RGS3: variants seen among roughly 807,000 people sequenced by gnomAD.
RGS3 encodes the protein regulator of G protein signaling 3.
In RGS3, 80 loss-of-function variants were observed where a neutral mutation model predicts 132.6. The ratio of observed to expected loss-of-function variants is 0.60; its 90% CI spans 0.50 to 0.73. RGS3 has a LOEUF of 0.73. Among genes scored for constraint, RGS3 ranks in the 30% least tolerant of loss-of-function variants. The pLI, the probability that RGS3 is intolerant of heterozygous loss-of-function variation, is 0.00. For missense variants in RGS3, 1,382 were observed against 1,530.8 expected (o/e 0.90, Z 1.62); for synonymous variants, 598 against 620.6 (o/e 0.96, Z 0.54).
chr9:113,583,880 C>T lies in RGS3; in HGVS notation c.2468C>T (p.Ser823Phe), dbSNP rs1189106159. 6.2e-6 allele frequency: 10 copies of T among 1,613,944 alleles called. No individual in the cohort carries two copies. The highest frequency in any genetic ancestry group is 7.6e-6 in the Non-Finnish European group (9 of 1,179,922). Reference sequence around the variant, plus strand: ...CAAGATCTGCCTCCTAGCCAGGTCTCCCTGCCAGCCAAGGCCCTTACTGAG... The same window carrying T: ...CAAGATCTGCCTCCTAGCCAGGTCTTCCTGCCAGCCAAGGCCCTTACTGAG... Residue 823 changes from serine (S) to phenylalanine (F), a missense_variant, in exon 20 of 25, where the codon TCC becomes TTC. Transcript: ENST00000350696.
At chr9:113,510,241 T>C (rs1367281716) in intron 14 of RGS3, among the ~76,000 whole-genome samples, 1 of 152,226 alleles carries the variant, frequency 6.6e-6, no homozygotes, top group Admixed American at 6.5e-5. Flanking sequence ...TCCAATCTCA[T>C]CCAGGTCGCT....
chr9:113,525,201 C>T (rs938944480), intron 17 of RGS3, among the ~76,000 whole-genome samples: 1 of 152,058 alleles, frequency 6.6e-6, no homozygotes, highest in Non-Finnish European at 1.5e-5. Context: ...GGGCCAAACT[C>T]CAGGGAGCCT....
intron 19 of RGS3, among the ~76,000 whole-genome samples, chr9:113,545,640 T>G (rs1441877668): frequency 6.6e-6 from 1 of 152,134 alleles, no homozygotes; most frequent in Non-Finnish European, 1.5e-5. Context: ...CTCGAAGACT[T>G]TCTCTGAATA....
upstream of RGS3, among the ~76,000 whole-genome samples, chr9:113,456,652 T>C (rs543844420): frequency 3.3e-5 from 5 of 150,394 alleles, no homozygotes; most frequent in African/African-American, 1.2e-4. Flanking sequence ...ACCAATTTGT[T>C]TTTTTTTTTT....
At chr9:113,584,167 A>T in exon 20 of RGS3, 1 of 1,614,238 alleles carries the variant, frequency 6.2e-7, no homozygotes, top group Non-Finnish European at 8.5e-7. Flanking sequence ...CAGCAGCATG[A>T]TCGAGACGGG....
intron 16 of RGS3, among the ~76,000 whole-genome samples, chr9:113,521,790 G>A (rs1831972031): frequency 6.6e-6 from 1 of 152,176 alleles, no homozygotes; most frequent in Non-Finnish European, 1.5e-5. Context: ...ATCTTTAACA[G>A]GTTGATAGCT....
chr9:113,594,894 CTG>C, intron 22 of RGS3, 23 bp from the exon 21 acceptor site: 3 of 1,611,876 alleles, frequency 1.9e-6, no homozygotes, highest in Middle Eastern at 1.7e-4. Flanking sequence ...AGTGCCCTCA[CTG>C]TGTTTCCTCC....
intron 10 of RGS3, among the ~76,000 whole-genome samples, chr9:113,500,194 A>G (rs1018367393): frequency 6.6e-6 from 1 of 152,242 alleles, no homozygotes; most frequent in Non-Finnish European, 1.5e-5. Context: ...TGTGGGACTC[A>G]GCAAAGAGGG....
chr9:113,478,144 C>T (rs1830052173), intron 3 of RGS3, among the ~76,000 whole-genome samples: 1 of 151,918 alleles, frequency 6.6e-6, no homozygotes, highest in African/African-American at 2.4e-5. Flanking sequence ...TAAACCTCAC[C>T]CGGCCACTCA....
In RGS3 at chr9:113,484,133, T is replaced by A. The variant is rs1305316427; in HGVS notation, c.526-5T>A. 6.3e-7 allele frequency: 1 copy of A among 1,588,638 alleles called. No homozygotes were observed. The highest frequency in any genetic ancestry group is 1.3e-5 in the African/African-American group (1 of 74,324). ...CTAATCATGCTTCCTTTTTTCCAAT[T>A]CAAGATTTCTTTGATCCCTGAAGAT... is the stretch of plus-strand genomic sequence containing the variant. On this transcript the variant is annotated splice_polypyrimidine_tract_variant and splice_region_variant and intron_variant, in intron 5 of 24. Coordinates refer to ENST00000350696, the Ensembl canonical transcript of RGS3.
At position 113,463,321 on chromosome 9, in the gene RGS3, G is replaced by A. The variant is rs1829520069; in HGVS notation, c.415+1120G>A. Among the ~76,000 whole-genome samples, 1 of 152,184 alleles carries A rather than the reference G, an allele frequency of 6.6e-6. No individual in the cohort carries two copies. Among genetic ancestry groups the A allele is most frequent in the Admixed American group, 6.5e-5 (1 of 15,286 alleles). Reference sequence around the variant, plus strand: ...AAACCTCACTGCCCTGGGCCATCGGGTGCTCCTTTGCCTTTGCTTGGATCT... The same window carrying A: ...AAACCTCACTGCCCTGGGCCATCGGATGCTCCTTTGCCTTTGCTTGGATCT... On this transcript the variant is annotated intron_variant, in intron 3 of 24. Transcript: ENST00000350696. This position sits in a 1 kb window ranked among gnomAD's most constrained non-coding sequence, Gnocchi z 4.6.
At chr9:113,508,377 C>A (rs1195610103) in intron 13 of RGS3, among the ~76,000 whole-genome samples, 164 bp from the exon 12 acceptor site, 10 of 152,196 alleles carry the variant, frequency 6.6e-5, no homozygotes, top group Non-Finnish European at 1.2e-4. Context: ...ATTTTGTGTT[C>A]TCTCCCAGCC....
Position 113,471,144 on chromosome 9 carries a change from G to A in RGS3, c.416-8347G>A, listed in dbSNP as rs558930217. 5.3e-5 allele frequency among the ~76,000 whole-genome samples: 8 copies of A among 152,164 alleles called. No homozygotes were observed. In the South Asian group the frequency reaches 1.2e-3, roughly 24 times the overall value. ...GTTGGGACTGAGAGTACTTGAAATCGAGCTGTAGTCCCTGGAGTAGCTGTG... is the reference window on the plus strand; with the variant it reads ...GTTGGGACTGAGAGTACTTGAAATCAAGCTGTAGTCCCTGGAGTAGCTGTG... On this transcript the variant is annotated intron_variant, in intron 3 of 24. Transcript: ENST00000350696.
At chr9:113,584,169 C>G (rs376017462) in exon 20 of RGS3, 11 of 1,614,244 alleles carry the variant, frequency 6.8e-6, no homozygotes, top group Middle Eastern at 3.3e-4. Flanking sequence ...GCAGCATGAT[C>G]GAGACGGGCC....
intron 18 of RGS3, among the ~76,000 whole-genome samples, chr9:113,534,303 A>G (rs905892114): frequency 6.6e-6 from 1 of 152,192 alleles, no homozygotes; most frequent in African/African-American, 2.4e-5. Context: ...GATCACCTCA[A>G]GTATGACCTC....
intron 17 of RGS3, 83 bp from the exon 16 acceptor site, chr9:113,529,138 C>A (rs1588207065): frequency 1.9e-6 from 2 of 1,067,856 alleles, no homozygotes; most frequent in Non-Finnish European, 1.5e-6. Context: ...GCCTTCTGGG[C>A]AAGACAGCTG....
At chr9:113,454,702 T>G (rs900483161) in intron 1 of RGS3, among the ~76,000 whole-genome samples, 1 of 151,338 alleles carries the variant, frequency 6.6e-6, no homozygotes, top group Non-Finnish European at 1.5e-5. Context: ...TTTTTTTTTT[T>G]TTTAGATGGA....
intron 20 of RGS3, among the ~76,000 whole-genome samples, chr9:113,588,099 G>A (rs1835213592): frequency 6.6e-6 from 1 of 152,222 alleles, no homozygotes; most frequent in African/African-American, 2.4e-5. Context: ...ACCACAGGCT[G>A]CAGCCCTTCC....
intron 7 of RGS3, among the ~76,000 whole-genome samples, chr9:113,493,473 G>A (rs935633834): frequency 6.6e-6 from 1 of 152,194 alleles, no homozygotes; most frequent in African/African-American, 2.4e-5. Context: ...TGGGCCATGG[G>A]GCAGAGCATG....
Sources: allele counts gnomAD v4.1 joint callset (sites outside exome capture counted in the v4.1 genomes callset), GRCh38; gene constraint gnomAD v4.1.1; non-coding constraint Gnocchi (gnomAD v3.1); transcripts MANE v1.5; gene names NCBI Gene and HGNC (gene_info 2026-07-23, HGNC 2026-07-21).